The following PCDHGA12 variants were observed in gnomAD, a reference collection of about 807,000 sequenced individuals.
PCDHGA12 encodes protocadherin gamma-A12.
A neutral mutation model predicts 61.1 loss-of-function variants in PCDHGA12; 43 were observed. The observed-to-expected ratio is 0.70, with a 90% CI of 0.55 to 0.91. PCDHGA12 has a LOEUF of 0.91. Ranked by LOEUF, PCDHGA12 falls within the 40% of genes least tolerant of loss-of-function variation. The pLI is 0.00. For synonymous variants in PCDHGA12, 520 were observed against 542.9 expected, an observed-to-expected ratio of 0.96 and a Z score of 0.59; for missense variants, 1,236 against 1,227.7, an observed-to-expected ratio of 1.01 and a Z score of -0.10.
rs950537869 is a variant in PCDHGA12, at chr5:141,432,150, A to G, written c.1391A>G (p.Asn464Ser). 6.2e-7 allele frequency: 1 copy of G among 1,614,010 alleles called. No homozygotes were observed. The change falls in exon 1 of 4, where the codon AAC (asparagine) becomes AGC (serine). Residue 464 changes from asparagine (N) to serine (S), a missense_variant. Coordinates refer to ENST00000252085, the MANE Select transcript of PCDHGA12 (RefSeq NM_003735.3). The surrounding 1 kb of genome is among the most constrained non-coding windows in gnomAD (Gnocchi z 6.0). ...QASYSAYIPE[N>S]NPRGVSLVSV... ...TCCTATTCCGCTTATATCCCAGAGA[A>G]CAATCCCAGAGGAGTTTCCCTCGTC...
Position 141,477,912 on chromosome 5 carries a change from A to T in PCDHGA12, c.2425-16895A>T. The T allele has an allele frequency of 6.2e-7, 1 of 1,614,166 alleles. No individual in the cohort carries two copies. Among genetic ancestry groups the T allele is most frequent in the Non-Finnish European group, 8.5e-7 (1 of 1,180,022 alleles). ...TCACGGGTGGTAGGCTGGGACGCGGATGCAGGGCACAATGCCTGGCTCTCC... is the reference window on the plus strand; with the variant it reads ...TCACGGGTGGTAGGCTGGGACGCGGTTGCAGGGCACAATGCCTGGCTCTCC... On this transcript the variant is annotated intron_variant, in intron 1 of 3. Coordinates refer to ENST00000252085, the MANE Select transcript of PCDHGA12 (RefSeq NM_003735.3). This position sits in a 1 kb window ranked among gnomAD's most constrained non-coding sequence, Gnocchi z 4.9.
chr5:141,432,908 C>G lies in PCDHGA12; in HGVS notation c.2149C>G (p.Arg717Gly), dbSNP rs757934634. 6.2e-7 allele frequency: 1 copy of G among 1,614,168 alleles called. No homozygotes were observed. Reference protein sequence around the residue: ...FVILLLALRLRRWHKSRLLQA... With the variant: ...FVILLLALRLGRWHKSRLLQA... Reference sequence around the variant, plus strand: ...CATCTTGCTGCTGGCGCTCAGGCTGCGGCGCTGGCACAAGTCACGCCTGCT... The same window carrying G: ...CATCTTGCTGCTGGCGCTCAGGCTGGGGCGCTGGCACAAGTCACGCCTGCT... Residue 717 changes from arginine (R) to glycine (G), a missense_variant, in exon 1 of 4, where the codon CGG becomes GGG. By Grantham distance (125) the Arg-to-Gly change is moderately radical. Transcript: ENST00000252085. This position sits in a 1 kb window ranked among gnomAD's most constrained non-coding sequence, Gnocchi z 6.0.
chr5:141,467,321 G>A (rs2099141786), intron 1 of PCDHGA12, among the ~76,000 whole-genome samples: 2 of 152,024 alleles, frequency 1.3e-5, no homozygotes, highest in East Asian at 1.9e-4. Context: ...CCACAGTGCT[G>A]GGATTAGAGA....
chr5:141,457,480 G>A lies in PCDHGA12; in HGVS notation c.2424+24297G>A, dbSNP rs566798464. ...GATTCACAGGAATAAGCAGGGCCAGGGTTAGTCTAAAATGTAGGCAAAAAG... is the reference window on the plus strand; with the variant it reads ...GATTCACAGGAATAAGCAGGGCCAGAGTTAGTCTAAAATGTAGGCAAAAAG... On this transcript the variant is annotated intron_variant, in intron 1 of 3. Transcript: ENST00000252085. 2.0e-5 allele frequency among the ~76,000 whole-genome samples: 3 copies of A among 152,266 alleles called. No individual in the cohort carries two copies. In the South Asian group the frequency reaches 6.2e-4, roughly 32 times the overall value.
At chr5:141,484,120 C>A (rs1158603108) in intron 1 of PCDHGA12, among the ~76,000 whole-genome samples, 1 of 152,146 alleles carries the variant, frequency 6.6e-6, no homozygotes, top group African/African-American at 2.4e-5. Flanking sequence ...ATCAAGAATA[C>A]CTTGGTGTCA....
chr5:141,494,671 C>T, intron 1 of PCDHGA12, 136 bp from the exon 2 acceptor site: 1 of 1,532,340 alleles, frequency 6.5e-7, no homozygotes, highest in East Asian at 2.4e-5. Context: ...GAGATGAGTC[C>T]ACCCCTGCCC....
intron 2 of PCDHGA12, among the ~76,000 whole-genome samples, chr5:141,495,936 T>C (rs1329369782): frequency 6.6e-6 from 1 of 152,206 alleles, no homozygotes; most frequent in Non-Finnish European, 1.5e-5. Flanking sequence ...GTCTCTGGTC[T>C]CTGTGCCTGT....
intron 1 of PCDHGA12, among the ~76,000 whole-genome samples, chr5:141,434,248 G>A (rs1347428778): frequency 2.0e-5 from 3 of 152,188 alleles, no homozygotes; most frequent in Non-Finnish European, 2.9e-5. Flanking sequence ...GATGACTTGG[G>A]CATTGTGGGG....
chr5:141,481,434 A>C (rs1374254063), intron 1 of PCDHGA12, among the ~76,000 whole-genome samples: 1 of 152,256 alleles, frequency 6.6e-6, no homozygotes, highest in East Asian at 1.9e-4. Context: ...TGATTGTATC[A>C]GTTTAGTACA....
Position 141,432,979 on chromosome 5 carries a change from TGTGGGC to T in PCDHGA12, c.2225_2230del (p.Gly742_Val743del). 1 of 1,614,228 alleles carries T rather than the reference TGTGGGC, an allele frequency of 6.2e-7. No individual in the cohort carries two copies. On this transcript the variant is annotated inframe_deletion, in exon 1 of 4. Coordinates refer to ENST00000252085, the MANE Select transcript of PCDHGA12 (RefSeq NM_003735.3). The surrounding 1 kb of genome is among the most constrained non-coding windows in gnomAD (Gnocchi z 6.0). ...TGACAGGAGCGCCGGCGTCGCACTTTGTGGGCGTGGACGGGGTGCAGGCTTTCCTGC... is the reference window on the plus strand; with the variant it reads ...TGACAGGAGCGCCGGCGTCGCACTTTGTGGACGGGGTGCAGGCTTTCCTGC...
rs143252334 is a variant in PCDHGA12 at position 141,431,395 on chromosome 5, T to A, written c.636T>A (p.Leu212=). The change falls in exon 1 of 4, where the codon CTT becomes CTA. Residue 212 remains leucine, a synonymous_variant. Transcript: ENST00000252085. The surrounding 1 kb of genome is among the most constrained non-coding windows in gnomAD (Gnocchi z 4.8). ...AAAAGGCTGCTCACCACCTGGTCCT[T>A]ACGGCCTCCGACGGGGGCGACCCGG... The part of the protein sequence containing the change: ...REEKAAHHLV[L]TASDGGDPVR... 2 of 1,613,720 alleles carry A rather than the reference T, an allele frequency of 1.2e-6. No individual in the cohort carries two copies. Among genetic ancestry groups the A allele is most frequent in the African/African-American group, 2.7e-5 (2 of 74,950 alleles).
intron 1 of PCDHGA12, among the ~76,000 whole-genome samples, chr5:141,464,265 AAAAAAAAAAAAAGC>A (rs1446781862): frequency 7.4e-6 from 1 of 135,276 alleles, no homozygotes; most frequent in Non-Finnish European, 1.6e-5. Flanking sequence ...ACTCCGTCTA[AAAAAAAAAAAAAGC>A]AAAAAAAAAA....
chr5:141,435,883 C>A (rs1458527952), intron 1 of PCDHGA12, among the ~76,000 whole-genome samples: 1 of 152,020 alleles, frequency 6.6e-6, no homozygotes, highest in African/African-American at 2.4e-5. Flanking sequence ...GATTGGAAAC[C>A]CCTTAGAGAA....
chr5:141,450,899 A>C (rs1045595271), intron 1 of PCDHGA12, among the ~76,000 whole-genome samples: 1 of 149,514 alleles, frequency 6.7e-6, no homozygotes, highest in Non-Finnish European at 1.5e-5. Context: ...ATATCGGCTC[A>C]CTGCAACCGC....
At chr5:141,481,762 GC>G (rs1307001837) in intron 1 of PCDHGA12, among the ~76,000 whole-genome samples, 1 of 152,126 alleles carries the variant, frequency 6.6e-6, no homozygotes, top group Admixed American at 6.5e-5. Context: ...GACCAGCCTG[GC>G]CAACATGGTG....
chr5:141,479,277 TC>T (rs2099491823), intron 1 of PCDHGA12: 1 of 152,362 alleles, frequency 6.6e-6, no homozygotes, highest in African/African-American at 2.4e-5. Flanking sequence ...ATAATTTATT[TC>T]AAAAATAAAT....
chr5:141,471,926 G>A (rs2099266798), intron 1 of PCDHGA12, among the ~76,000 whole-genome samples: 2 of 152,110 alleles, frequency 1.3e-5, no homozygotes. Flanking sequence ...AATTTTGGGG[G>A]TGATGAGAGT....
intron 1 of PCDHGA12, among the ~76,000 whole-genome samples, chr5:141,453,293 T>TTATG: frequency 6.6e-6 from 1 of 151,872 alleles, no homozygotes; most frequent in Non-Finnish European, 1.5e-5. Flanking sequence ...TTTTAATTAT[T>TTATG]TATTTATTTA....
Position 141,489,338 on chromosome 5 carries a change from A to T in PCDHGA12, c.2425-5469A>T, listed in dbSNP as rs1303176012. 1 of 1,608,414 alleles carries T rather than the reference A, an allele frequency of 6.2e-7. No homozygotes were observed. Among genetic ancestry groups the T allele is most frequent in the South Asian group, 1.1e-5 (1 of 90,478 alleles). ...GGCTGGGTGTCTGGGCAGCTTCGTTACTCAGTGGTGGAGGAGTCTGAGCCG... is the reference window on the plus strand; with the variant it reads ...GGCTGGGTGTCTGGGCAGCTTCGTTTCTCAGTGGTGGAGGAGTCTGAGCCG... On this transcript the variant is annotated intron_variant, in intron 1 of 3. Coordinates refer to ENST00000252085, the MANE Select transcript of PCDHGA12 (RefSeq NM_003735.3). This position sits in a 1 kb window ranked among gnomAD's most constrained non-coding sequence, Gnocchi z 4.5.
Sources: allele counts gnomAD v4.1 joint callset (sites outside exome capture counted in the v4.1 genomes callset), GRCh38; gene constraint gnomAD v4.1.1; non-coding constraint Gnocchi (gnomAD v3.1); transcripts MANE v1.5; gene names NCBI Gene and HGNC (gene_info 2026-07-23, HGNC 2026-07-21).